OTOG: variants seen among roughly 807,000 people sequenced by gnomAD.
OTOG encodes otogelin.
Under a neutral mutation model 313.8 loss-of-function variants are expected in OTOG, and 296 were observed. The ratio of observed to expected loss-of-function variants is 0.94; its 90% CI spans 0.86 to 1.04. The LOEUF is 1.04. OTOG is among the 50% of genes least tolerant of loss of function. The pLI is 0.00. For missense variants in OTOG, 3,948 were observed against 3,840.1 expected (o/e 1.03, Z -0.74); for synonymous variants, 1,533 against 1,554.9 (o/e 0.99, Z 0.33).
Position 17,552,025 on chromosome 11 carries a change from C to T in OTOG, c.242C>T (p.Ala81Val), listed in dbSNP as rs1851947814. The T allele has an allele frequency of 6.4e-7, 1 of 1,550,526 alleles. No homozygotes were observed. The highest frequency in any genetic ancestry group is 1.2e-5 in the South Asian group (1 of 84,064). ...CAGGCTGAAGCCCCAGACTCCGTGG[C>T]CATGTCTTCCTGGGAAAGGCGGCTC... ...GQQAEAPDSVAMSSWERRLHR... is the reference protein window; with the variant it reads ...GQQAEAPDSVVMSSWERRLHR... Residue 81 changes from alanine (A) to valine (V), a missense_variant, in exon 4 of 56, where the codon GCC (alanine) becomes GTC (valine). Ala to Val is a moderately conservative substitution (Grantham distance 64). Transcript: ENST00000399397.
chr11:17,596,825 G>C (rs1853121008), intron 29 of OTOG, 26 bp from the exon 30 acceptor site: 7 of 1,545,280 alleles, frequency 4.5e-6, no homozygotes, highest in African/African-American at 1.4e-5. Context: ...TCTGTCCTCT[G>C]ACCTCTAACT....
rs979114847 is a variant in OTOG, at chr11:17,606,133, T to C, written c.4154T>C (p.Leu1385Pro). ...CGCCGGGGCACACTCTTCCGCCTTC[T>C]GGGTAGGCGACCCCCTGCCATTGCC... ...VFRRGTLFRLLDAKPSGAAYP... is the reference protein window; with the variant it reads ...VFRRGTLFRLPDAKPSGAAYP... The change falls in exon 33 of 56, where the codon CTG becomes CCG. Residue 1385 changes from leucine to proline, a missense_variant and splice_region_variant. Leu to Pro is a moderately conservative substitution (Grantham distance 98, BLOSUM62 -3). Coordinates refer to ENST00000399397, the MANE Select transcript of OTOG (RefSeq NM_001292063.2). 1 of 1,528,246 alleles carries C rather than the reference T, an allele frequency of 6.5e-7. No homozygotes were observed. The highest frequency in any genetic ancestry group is 2.0e-5 in the Admixed American group (1 of 50,276). 94.7% of individuals were successfully genotyped at this position (1,528,246 alleles called of 1,614,324 possible).
chr11:17,610,347 C>T lies in OTOG; in HGVS notation c.5047C>T (p.Gln1683Ter). 3 of 1,550,670 alleles carry T rather than the reference C, an allele frequency of 1.9e-6. No individual in the cohort carries two copies. The highest frequency in any genetic ancestry group is 1.2e-5 in the South Asian group (1 of 84,052). ...TKVISRTGVP[Q>*]PTQAQSASSP... ...GGTCATAAGCAGGACAGGGGTCCCC[C>T]AGCCCACCCAGGCCCAGAGTGCTTC... The change falls in exon 36 of 56, where the codon CAG (glutamine) becomes TAG (stop). Residue 1683 changes from glutamine (Q) to a stop codon, truncating the protein, a stop_gained. Coordinates refer to ENST00000399397, the MANE Select transcript of OTOG (RefSeq NM_001292063.2). LOFTEE classifies it high-confidence loss of function.
Position 17,605,587 on chromosome 11 carries a change from G to A in OTOG, c.3878-270G>A, listed in dbSNP as rs185427048. On this transcript the variant is annotated intron_variant, in intron 32 of 55. Coordinates refer to ENST00000399397, the MANE Select transcript of OTOG (RefSeq NM_001292063.2). ...GGAAGAATGGAAAGAGGGGTGCAAA[G>A]GGGAGGGAAGGAGATAGTTCAATTA... Among the ~76,000 whole-genome samples, 585 of 152,290 alleles carry A rather than the reference G, an allele frequency of 3.8e-3. 4 individuals are homozygous for A. Among genetic ancestry groups the A allele is most frequent in the Non-Finnish European group, 5.6e-3 (381 of 68,010 alleles).
intron 40 of OTOG, among the ~76,000 whole-genome samples, chr11:17,630,539 C>T (rs1854097206): frequency 2.6e-5 from 4 of 152,182 alleles, no homozygotes; most frequent in South Asian, 2.1e-4. Flanking sequence ...TCATTTATAT[C>T]TCCATTTTAT....
chr11:17,613,876 A>G (rs1853660530), intron 39 of OTOG, among the ~76,000 whole-genome samples, 175 bp downstream of exon 39: 1 of 152,076 alleles, frequency 6.6e-6, no homozygotes, highest in Non-Finnish European at 1.5e-5. Context: ...TTATAATTAG[A>G]ATGCTTGTGG....
At chr11:17,615,441 T>G (rs888263280) in intron 39 of OTOG, among the ~76,000 whole-genome samples, 7 of 152,210 alleles carry the variant, frequency 4.6e-5, no homozygotes, top group Admixed American at 2.0e-4. Flanking sequence ...ACACAGAATC[T>G]CTCTTATGTT....
intron 17 of OTOG, 87 bp downstream of exon 17, chr11:17,570,477 C>G (rs1341789671): frequency 3.9e-6 from 5 of 1,280,302 alleles, no homozygotes; most frequent in African/African-American, 1.5e-5. Flanking sequence ...AAATGTCTCT[C>G]CCGTGAGCCT....
intron 12 of OTOG, among the ~76,000 whole-genome samples, chr11:17,560,319 G>A (rs1349978251): frequency 1.3e-5 from 2 of 152,208 alleles, no homozygotes; most frequent in Non-Finnish European, 2.9e-5. Context: ...GTGAAAGCCA[G>A]CTCAGGGGAG....
chr11:17,593,875 C>T, intron 27 of OTOG, 119 bp downstream of exon 27: 1 of 1,415,110 alleles, frequency 7.1e-7, no homozygotes, highest in African/African-American at 1.4e-5. Flanking sequence ...GTTCTCTCCT[C>T]CGCCCTGCTC....
chr11:17,548,006 T>A lies in OTOG; in HGVS notation c.155+19T>A. ...AACCCAGGTGAGTAGGTGTGAGCTG[T>A]GGCGGCCCCACCCACAGCTCCCATC... On this transcript the variant is annotated intron_variant, in intron 2 of 55. Transcript: ENST00000399397. The A allele has an allele frequency of 1.2e-6, 1 of 851,522 alleles. No homozygotes were observed. Among genetic ancestry groups the A allele is most frequent in the Middle Eastern group, 3.5e-4 (1 of 2,844 alleles). 52.7% of individuals were successfully genotyped at this position (851,522 alleles called of 1,614,324 possible).
chr11:17,548,341 C>T, intron 3 of OTOG, 129 bp downstream of exon 3: 1 of 659,740 alleles, frequency 1.5e-6, no homozygotes, highest in South Asian at 3.2e-5. Flanking sequence ...CAAGCAGATT[C>T]CTGGTATGTG....
At position 17,557,216 on chromosome 11, in the gene OTOG, G is replaced by T; in HGVS notation, c.758G>T (p.Gly253Val). 6.4e-7 allele frequency: 1 copy of T among 1,550,662 alleles called. No individual in the cohort carries two copies. The highest frequency in any genetic ancestry group is 8.7e-7 in the Non-Finnish European group (1 of 1,147,006). Residue 253 changes from glycine (G) to valine (V), a missense_variant, in exon 8 of 56, where the codon GGT becomes GTT. Coordinates refer to ENST00000399397, the MANE Select transcript of OTOG (RefSeq NM_001292063.2). Reference sequence around the variant, plus strand: ...TCAGCCTTCACACTGGCCTGGGATGGTGCCTCGGCTGTCTACATCAAGATG... The same window carrying T: ...TCAGCCTTCACACTGGCCTGGGATGTTGCCTCGGCTGTCTACATCAAGATG... ...HQSAFTLAWDGASAVYIKMSP... is the reference protein window; with the variant it reads ...HQSAFTLAWDVASAVYIKMSP...
chr11:17,568,143 G>T (rs575024954), intron 15 of OTOG, among the ~76,000 whole-genome samples: 1 of 152,032 alleles, frequency 6.6e-6, no homozygotes, highest in African/African-American at 2.4e-5. Context: ...TCCTGACCTC[G>T]TGATCCGCCC....
At position 17,577,218 on chromosome 11, in the gene OTOG, C is replaced by T. The variant is rs78232647; in HGVS notation, c.2605+307C>T. Among the ~76,000 whole-genome samples, 6 of 152,316 alleles carry T rather than the reference C, an allele frequency of 3.9e-5. No homozygotes were observed. In the East Asian group the frequency reaches 1.2e-3, roughly 29 times the overall value. On this transcript the variant is annotated intron_variant, in intron 22 of 55. Coordinates refer to ENST00000399397, the MANE Select transcript of OTOG (RefSeq NM_001292063.2). ...GGTGTCTGGGCAGTTTCCTGACTTC[C>T]TTTGGGTCCTGATGTTTTCTGTCTG...
rs761287044 is a variant in OTOG, at chr11:17,611,007, C to A, written c.5707C>A (p.Arg1903=). ...GGCCTCCATGGTATCTGTTGTCCCA[C>A]GAAAGAGCACCACAGGGAAGGTGGC... ...GTASMVSVVP[R]KSTTGKVAIL... Residue 1903 remains arginine (R), a synonymous_variant, in exon 36 of 56, where the codon CGA becomes AGA. Transcript: ENST00000399397. 6.4e-7 allele frequency: 1 copy of A among 1,550,448 alleles called. No homozygotes were observed.
At position 17,602,251 on chromosome 11, in the gene OTOG, G is replaced by T; in HGVS notation, c.3751G>T (p.Gly1251Cys). The T allele has an allele frequency of 6.4e-7, 1 of 1,550,574 alleles. No individual in the cohort carries two copies. The highest frequency in any genetic ancestry group is 8.7e-7 in the Non-Finnish European group (1 of 1,146,970). Residue 1251 changes from glycine to cysteine, a missense_variant, in exon 32 of 56, where the codon GGT becomes TGT. Physicochemically the swap from Gly to Cys is radical, Grantham distance 159 (BLOSUM62 -3). Transcript: ENST00000399397. ...GPYQLSSLAA[G>C]GALVGMKAVG... ...CTATCAGCTATCCAGCTTGGCAGCCGGTGGTGCTCTGGTGGGCATGAAGGC... is the reference window on the plus strand; with the variant it reads ...CTATCAGCTATCCAGCTTGGCAGCCTGTGGTGCTCTGGTGGGCATGAAGGC...
intron 42 of OTOG, among the ~76,000 whole-genome samples, chr11:17,633,140 G>C (rs544675822): frequency 6.8e-4 from 104 of 152,336 alleles, no homozygotes; most frequent in Non-Finnish European, 1.2e-3. Flanking sequence ...TTGGCCTGGG[G>C]TGGGTTCCCC....
Position 17,561,128 on chromosome 11 carries a change from G to C in OTOG, c.1489G>C (p.Val497Leu). The C allele has an allele frequency of 6.4e-7, 1 of 1,550,586 alleles. No individual in the cohort carries two copies. Residue 497 changes from valine to leucine, a missense_variant, in exon 14 of 56, where the codon GTC becomes CTC. Val to Leu is a conservative substitution (Grantham distance 32). Coordinates refer to ENST00000399397, the MANE Select transcript of OTOG (RefSeq NM_001292063.2). ...AGGCAAGTGGGAGTGCAGCACAGCT[G>C]TCTGCCCAGGTATGTCTGCCCCCCA... Reference protein sequence around the residue: ...TSGKWECSTAVCPAECSVTGD... With the variant: ...TSGKWECSTALCPAECSVTGD...
Sources: gnomAD v4.1 joint callset for allele counts (sites outside exome capture counted in the v4.1 genomes callset) on GRCh38, gnomAD v4.1.1 for gene constraint, MANE v1.5 for transcripts, NCBI Gene and HGNC (gene_info 2026-07-23, HGNC 2026-07-21) for gene names.